GCNT2: variants seen among roughly 807,000 people sequenced by gnomAD.
GCNT2 encodes glucosaminyl (N-acetyl) transferase 2 (I blood group).
A neutral mutation model predicts 34.2 loss-of-function variants in GCNT2; 34 were observed. That is an observed-to-expected ratio of 1.00 (90% CI 0.76 to 1.32). The LOEUF (loss-of-function observed/expected upper bound fraction) is 1.32. GCNT2 is among the 40% of genes most tolerant of loss of function. The probability of loss-of-function intolerance (pLI) is 0.00; values close to 1 mark genes in which losing one functional copy is unlikely to be tolerated. For missense variants in GCNT2, 584 were observed against 489.4 expected (o/e 1.19, Z -1.82); for synonymous variants, 212 against 188.0 (o/e 1.13, Z -1.04).
intron 4 of GCNT2, among the ~76,000 whole-genome samples, chr6:10,624,850 C>G (rs1231919421): frequency 6.6e-6 from 1 of 152,052 alleles, no homozygotes; most frequent in East Asian, 1.9e-4. Flanking sequence ...CTTTTGCATT[C>G]TCAGCCTCTC....
intron 3 of GCNT2, chr6:10,585,918 A>G: frequency 5.6e-6 from 9 of 1,597,982 alleles, no homozygotes; most frequent in Non-Finnish European, 7.6e-6. Context: ...AGAGAAGCAA[A>G]TTCAACCTCT....
chr6:10,533,647 G>A (rs536912087), intron 3 of GCNT2, among the ~76,000 whole-genome samples: 2 of 151,400 alleles, frequency 1.3e-5, no homozygotes, highest in South Asian at 4.2e-4. Context: ...AAACTAGCCA[G>A]GCGTGGTAGC....
At chr6:10,571,514 G>A (rs527766313) in intron 3 of GCNT2, among the ~76,000 whole-genome samples, 31 of 152,010 alleles carry the variant, frequency 2.0e-4, no homozygotes, top group African/African-American at 6.3e-4. Context: ...CAATATGCCC[G>A]GCAAATTTTT....
chr6:10,590,800 C>T (rs1189338953), intron 3 of GCNT2, among the ~76,000 whole-genome samples: 1 of 152,182 alleles, frequency 6.6e-6, no homozygotes, highest in Non-Finnish European at 1.5e-5. Flanking sequence ...GATCTGCCCG[C>T]CTCGGCCTCC....
At chr6:10,552,300 TA>T (rs55844045) in intron 3 of GCNT2, among the ~76,000 whole-genome samples, 25,563 of 142,198 alleles carry the variant, frequency 0.18, 2,848 homozygotes, top group African/African-American at 0.34. Flanking sequence ...ATTATCATGT[TA>T]AAAAAAAAAA....
chr6:10,589,543 G>C (rs1764545196), intron 3 of GCNT2, among the ~76,000 whole-genome samples: 1 of 152,114 alleles, frequency 6.6e-6, no homozygotes, highest in Non-Finnish European at 1.5e-5. Flanking sequence ...CTTCTGTGCT[G>C]TCTCCGGGGT....
intron 3 of GCNT2, among the ~76,000 whole-genome samples, chr6:10,612,792 G>A (rs1216785784): frequency 6.6e-6 from 1 of 152,140 alleles, no homozygotes; most frequent in African/African-American, 2.4e-5. Context: ...CTTCAAAGCT[G>A]GTGCTGTCAG....
At chr6:10,571,849 C>T (rs912802201) in intron 3 of GCNT2, among the ~76,000 whole-genome samples, 2 of 151,340 alleles carry the variant, frequency 1.3e-5, no homozygotes, top group African/African-American at 2.5e-5. Context: ...AGAAGGATCA[C>T]GCAGAGATTT....
At chr6:10,584,232 A>C (rs111744776) in intron 3 of GCNT2, among the ~76,000 whole-genome samples, 6,302 of 152,260 alleles carry the variant, frequency 0.041, 453 homozygotes, top group African/African-American at 0.14. Flanking sequence ...CTGTGTCATA[A>C]ATAAGTTTAA....
At chr6:10,568,521 C>G (rs1763385515) in intron 3 of GCNT2, among the ~76,000 whole-genome samples, 1 of 152,246 alleles carries the variant, frequency 6.6e-6, no homozygotes, top group African/African-American at 2.4e-5. Flanking sequence ...GAGTCTCCCT[C>G]TTCAAACCAT....
chr6:10,602,915 C>T (rs1239279716), intron 3 of GCNT2, among the ~76,000 whole-genome samples: 2 of 152,140 alleles, frequency 1.3e-5, no homozygotes, highest in South Asian at 2.1e-4. Flanking sequence ...GACAGAGAGA[C>T]GACCCTGCTG....
chr6:10,619,770 G>A (rs908277722), intron 3 of GCNT2: 3 of 152,172 alleles, frequency 2.0e-5, no homozygotes, highest in African/African-American at 7.2e-5. Flanking sequence ...CAATTCTGCA[G>A]GACAAAAGCC....
intron 3 of GCNT2, among the ~76,000 whole-genome samples, chr6:10,532,369 CT>C (rs1761536079): frequency 6.6e-6 from 1 of 152,244 alleles, no homozygotes; most frequent in South Asian, 2.1e-4. Context: ...AAGTTAGCCC[CT>C]GAAGTCATTT....
At chr6:10,591,402 A>G (rs1026011673) in intron 3 of GCNT2, among the ~76,000 whole-genome samples, 1 of 152,186 alleles carries the variant, frequency 6.6e-6, no homozygotes, top group Non-Finnish European at 1.5e-5. Context: ...AAAACTCCAC[A>G]ATGGCCAGGC....
intron 3 of GCNT2, among the ~76,000 whole-genome samples, chr6:10,532,409 C>T (rs190849448): frequency 3.5e-4 from 54 of 152,260 alleles, no homozygotes; most frequent in Non-Finnish European, 6.6e-4. Context: ...GGAACACTGC[C>T]GGAGGACCCT....
At chr6:10,623,141 T>G (rs999242076) in intron 4 of GCNT2, among the ~76,000 whole-genome samples, 6 of 152,126 alleles carry the variant, frequency 3.9e-5, no homozygotes, top group Non-Finnish European at 5.9e-5. Context: ...ACCAACCTCT[T>G]TCTCATGTGT....
At chr6:10,574,779 C>T in intron 3 of GCNT2, 1 of 596,384 alleles carries the variant, frequency 1.7e-6, no homozygotes, top group South Asian at 1.6e-5. Context: ...GAGGTTCCAG[C>T]AGCTCAGCCT....
At chr6:10,530,188 C>T (rs1581362651) in intron 3 of GCNT2, 1 of 215,558 alleles carries the variant, frequency 4.6e-6, no homozygotes, top group East Asian at 1.2e-4. Context: ...ATGGTGAAAA[C>T]CTGTATCTAC....
At position 10,529,172 on chromosome 6, in the gene GCNT2, ACT is replaced by A. The variant is rs777607687; in HGVS notation, c.266_267del (p.Ser89Ter). ...MVRSHYVTET[L>X]SEEEAGFPLA... ...TTCGAAGCCACTATGTAACAGAAAC[ACT>A]CTCTGAAGAAGAGGCTGGGTTCCCT... On this transcript the variant is annotated frameshift_variant, in exon 3 of 5. Transcript: ENST00000495262. LOFTEE classifies it high-confidence loss of function. 6 of 1,614,026 alleles carry A rather than the reference ACT, an allele frequency of 3.7e-6. No homozygotes were observed. The highest frequency in any genetic ancestry group is 2.2e-5 in the South Asian group (2 of 91,080).
Sources: allele counts gnomAD v4.1 joint callset (sites outside exome capture counted in the v4.1 genomes callset), GRCh38; gene constraint gnomAD v4.1.1; transcripts MANE v1.5; gene names NCBI Gene and HGNC (gene_info 2026-07-23, HGNC 2026-07-21).